DDX46: variants seen among roughly 807,000 people sequenced by gnomAD.
The protein encoded by DDX46 is probable ATP-dependent RNA helicase DDX46.
In DDX46, 30 loss-of-function variants were observed where a neutral mutation model predicts 134.9. The observed-to-expected ratio is 0.22, with a 90% CI of 0.17 to 0.30. The LOEUF (loss-of-function observed/expected upper bound fraction) is 0.30, where lower values mean the gene tolerates loss of function less well. Ranked by LOEUF, DDX46 falls within the 10% of genes least tolerant of loss-of-function variation. The pLI, the probability that DDX46 is intolerant of heterozygous loss-of-function variation, is 1.00. For missense variants in DDX46, 622 were observed against 1,248.7 expected (o/e 0.50, Z 7.56); for synonymous variants, 415 against 404.1 (o/e 1.03, Z -0.32).
chr5:134,805,898 C>A (rs535750618), intron 15 of DDX46, among the ~76,000 whole-genome samples: 1 of 152,016 alleles, frequency 6.6e-6, no homozygotes, highest in Non-Finnish European at 1.5e-5. Flanking sequence ...TCTTTGGGTG[C>A]GGGTTCTTAT....
chr5:134,800,592 C>G (rs1476205106), intron 15 of DDX46, among the ~76,000 whole-genome samples: 1 of 152,140 alleles, frequency 6.6e-6, no homozygotes, highest in African/African-American at 2.4e-5. Flanking sequence ...ACTCCCTCAT[C>G]GTGTCCCTAT....
intron 3 of DDX46, among the ~76,000 whole-genome samples, chr5:134,769,855 G>T (rs1753705102): frequency 6.6e-6 from 1 of 151,938 alleles, no homozygotes; most frequent in Non-Finnish European, 1.5e-5. Context: ...CCGAGTTGGG[G>T]TTTCACCATA....
At chr5:134,811,430 A>T in intron 17 of DDX46, 72 bp downstream of exon 17, 1 of 1,542,060 alleles carries the variant, frequency 6.5e-7, no homozygotes, top group Non-Finnish European at 8.7e-7. Context: ...TAATTCTTGG[A>T]AATCTTTTAT....
In DDX46 at chr5:134,830,685, G is replaced by A. The variant is rs1306382972; in HGVS notation, c.*1979G>A. Reference sequence around the variant, plus strand: ...CCTTCACACATCCACTTAATTTCTTGAAGGAAGAAAACAGACAAAAGACAT... The same window carrying A: ...CCTTCACACATCCACTTAATTTCTTAAAGGAAGAAAACAGACAAAAGACAT... On this transcript the variant is annotated 3_prime_UTR_variant, in exon 23 of 23. Coordinates refer to ENST00000452510, the MANE Select transcript of DDX46 (RefSeq NM_001300860.2). 1 of 152,604 alleles carries A rather than the reference G, an allele frequency of 6.6e-6. No individual in the cohort carries two copies. Among genetic ancestry groups the A allele is most frequent in the Non-Finnish European group, 1.5e-5 (1 of 68,020 alleles). The allele number at this position is 152,604 out of a possible 1,614,324, so 9.5% of individuals were successfully genotyped here.
At chr5:134,820,307 A>G (rs1381901227) in intron 21 of DDX46, among the ~76,000 whole-genome samples, 1 of 152,198 alleles carries the variant, frequency 6.6e-6, no homozygotes, top group Non-Finnish European at 1.5e-5. Flanking sequence ...TGGAAGCAAG[A>G]CAGAACTAGA....
chr5:134,762,225 A>G (rs1222463011), intron 1 of DDX46, among the ~76,000 whole-genome samples: 1 of 149,654 alleles, frequency 6.7e-6, no homozygotes, highest in Non-Finnish European at 1.5e-5. Context: ...ATCCTGAGCA[A>G]CATAGTGAGA....
intron 21 of DDX46, chr5:134,825,972 A>C (rs892327360): frequency 2.6e-5 from 4 of 152,124 alleles, no homozygotes; most frequent in Non-Finnish European, 4.4e-5. Flanking sequence ...TTAATATCTT[A>C]ATTTGTTTCT....
rs1156247025 is a variant in DDX46, at chr5:134,830,872, C to T, written c.*2166C>T. On this transcript the variant is annotated 3_prime_UTR_variant, in exon 23 of 23. Transcript: ENST00000452510. ...CCCACATCGATGATAATTGGTGCTCCCTTCATCCAACTGGATCACTTTGAG... is the reference window on the plus strand; with the variant it reads ...CCCACATCGATGATAATTGGTGCTCTCTTCATCCAACTGGATCACTTTGAG... The T allele has an allele frequency of 1.3e-5, 2 of 152,518 alleles. No individual in the cohort carries two copies. The highest frequency in any genetic ancestry group is 1.3e-4 in the Admixed American group (2 of 15,252). 9.4% of individuals were successfully genotyped at this position (152,518 alleles called of 1,614,324 possible).
chr5:134,763,784 T>A, intron 1 of DDX46, 120 bp from the exon 2 acceptor site: 1 of 1,198,518 alleles, frequency 8.3e-7, no homozygotes, highest in Admixed American at 2.9e-5. Flanking sequence ...TTAGAAAAAT[T>A]CATAAAAAGT....
intron 17 of DDX46, 105 bp downstream of exon 17, chr5:134,811,463 C>T (rs538322687): frequency 3.7e-5 from 53 of 1,430,802 alleles, no homozygotes; most frequent in Admixed American, 1.5e-4. Context: ...AATTTTGCTA[C>T]GACTATTTTT....
Position 134,782,056 on chromosome 5 carries a change from G to A in DDX46, c.1015G>A (p.Val339Ile). 6.3e-7 allele frequency: 1 copy of A among 1,590,666 alleles called. No homozygotes were observed. Among genetic ancestry groups the A allele is most frequent in the South Asian group, 1.1e-5 (1 of 87,132 alleles). Residue 339 changes from valine (V) to isoleucine (I), a missense_variant, in exon 8 of 23, where the codon GTT becomes ATT. Physicochemically the swap from Val to Ile is conservative, Grantham distance 29 (BLOSUM62 3). Around this residue, in one of 8 missense-constraint regions of DDX46, gnomAD observed 63 missense variants for 84.0 expected, o/e 0.75. Transcript: ENST00000452510. ...EPFRKNFYVE[V>I]PELAKMSQEE... Reference sequence around the variant, plus strand: ...ATTTAGGAAAAACTTCTATGTTGAAGTTCCAGAACTAGCAAAAATGTCTCA... The same window carrying A: ...ATTTAGGAAAAACTTCTATGTTGAAATTCCAGAACTAGCAAAAATGTCTCA...
intron 13 of DDX46, among the ~76,000 whole-genome samples, chr5:134,790,784 C>G (rs1177043439): frequency 6.6e-6 from 1 of 152,140 alleles, no homozygotes; most frequent in Non-Finnish European, 1.5e-5. Flanking sequence ...AAGACCAACA[C>G]CAACAAAGCT....
chr5:134,812,493 A>C (rs948845898), intron 18 of DDX46, among the ~76,000 whole-genome samples: 5 of 149,062 alleles, frequency 3.4e-5, no homozygotes, highest in Admixed American at 1.4e-4. Flanking sequence ...AATTTTGGAA[A>C]TCAGAAATTC....
chr5:134,764,560 TGTGTGAGCCACC>T (rs1249481906), intron 2 of DDX46, among the ~76,000 whole-genome samples: 1 of 152,130 alleles, frequency 6.6e-6, no homozygotes, highest in East Asian at 1.9e-4. Flanking sequence ...TGGGATTACA[TGTGTGAGCCACC>T]GTGTCCGACC....
Position 134,807,861 on chromosome 5 carries a change from C to G in DDX46, c.2068C>G (p.Leu690Val), listed in dbSNP as rs371356096. 7.4e-6 allele frequency: 12 copies of G among 1,614,118 alleles called. No individual in the cohort carries two copies. The highest frequency in any genetic ancestry group is 4.5e-5 in the East Asian group (2 of 44,874). The part of the protein sequence containing the change: ...ARGLDVKHLI[L>V]VVNYSCPNHY... ...AGGTCTAGATGTGAAACATCTGATT[C>G]TTGTAGTAAATTATAGCTGCCCCAA... Residue 690 changes from leucine (L) to valine (V), a missense_variant, in exon 16 of 23, where the codon CTT becomes GTT. Physicochemically the swap from Leu to Val is conservative, Grantham distance 32. Around this residue, in one of 8 missense-constraint regions of DDX46, gnomAD observed 209 missense variants for 508.4 expected, o/e 0.41. Transcript: ENST00000452510.
chr5:134,828,784 G>T lies in DDX46; in HGVS notation c.*78G>T. The T allele has an allele frequency of 9.3e-7, 1 of 1,069,906 alleles. No individual in the cohort carries two copies. Among genetic ancestry groups the T allele is most frequent in the Non-Finnish European group, 1.3e-6 (1 of 791,920 alleles). The allele number at this position is 1,069,906 out of a possible 1,614,324, so 66.3% of individuals were successfully genotyped here. The stretch of plus-strand genomic sequence containing the variant: ...TGCTGTCTGCAGTTTACAATGTATT[G>T]TAAATGAAGATTTTTTAAATTCTAT... On this transcript the variant is annotated 3_prime_UTR_variant, in exon 23 of 23. Transcript: ENST00000452510.
chr5:134,796,611 G>A (rs1200306225), intron 15 of DDX46, among the ~76,000 whole-genome samples: 1 of 152,222 alleles, frequency 6.6e-6, no homozygotes, highest in Non-Finnish European at 1.5e-5. Flanking sequence ...CTAGCACTTG[G>A]AGAGGCTGAG....
intron 12 of DDX46, 72 bp from the exon 13 acceptor site, chr5:134,790,398 C>G: frequency 2.9e-6 from 4 of 1,384,730 alleles, no homozygotes; most frequent in Non-Finnish European, 4.0e-6. Flanking sequence ...TTTAAAAGTT[C>G]TTGGTAGCCA....
chr5:134,816,481 A>G lies in DDX46; in HGVS notation c.2488A>G (p.Met830Val). The change falls in exon 19 of 23, where the codon ATG (methionine) becomes GTG (valine). Residue 830 changes from methionine to valine, a missense_variant. Coordinates refer to ENST00000452510, the MANE Select transcript of DDX46 (RefSeq NM_001300860.2). ...TAATTCAAAGAAGAGAGTAAAGGAT[A>G]TGGCTGCTCCTGGAACATCAAGTGT... ...MFNSKKRVKD[M>V]AAPGTSSVPA... 2 of 1,614,066 alleles carry G rather than the reference A, an allele frequency of 1.2e-6. No individual in the cohort carries two copies. Among genetic ancestry groups the G allele is most frequent in the South Asian group, 1.1e-5 (1 of 91,058 alleles).
Sources: gnomAD v4.1 joint callset for allele counts (sites outside exome capture counted in the v4.1 genomes callset) on GRCh38, gnomAD v4.1.1 for gene constraint, gnomAD v4.1.1 regional missense constraint, MANE v1.5 for transcripts, NCBI Gene and HGNC (gene_info 2026-07-23, HGNC 2026-07-21) for gene names.